Variants in SEC14L5 observed in about 807,000 individuals in gnomAD.
SEC14L5 encodes the protein SEC14 like lipid binding 5, also known as SEC14-like protein 5.
In SEC14L5, 96 loss-of-function variants were observed where a neutral mutation model predicts 84.6. The ratio of observed to expected loss-of-function variants is 1.13; its 90% confidence interval spans 0.96 to 1.34. The LOEUF (loss-of-function observed/expected upper bound fraction) is 1.34. Ranked by LOEUF, SEC14L5 falls within the 40% of genes most tolerant of loss-of-function variation. The probability of loss-of-function intolerance (pLI) is 0.00; values close to 1 mark genes in which losing one functional copy is unlikely to be tolerated. For missense variants in SEC14L5, 1,224 were observed against 942.5 expected, an observed-to-expected ratio of 1.30 and a Z score of -3.91; for synonymous variants, 546 against 383.4, an observed-to-expected ratio of 1.42 and a Z score of -4.95.
chr16:5,009,753 G>A (rs1384592184), intron 14 of SEC14L5, among the ~76,000 whole-genome samples: 1 of 152,160 alleles, frequency 6.6e-6, no homozygotes, highest in Non-Finnish European at 1.5e-5. Flanking sequence ...GGAAGGATGA[G>A]CATATTGGAA....
chr16:4,994,993 G>C (rs1405815901), intron 6 of SEC14L5, among the ~76,000 whole-genome samples: 1 of 152,092 alleles, frequency 6.6e-6, no homozygotes, highest in Non-Finnish European at 1.5e-5. Context: ...CTCCCTCCCT[G>C]ATTCCAGCAT....
intron 2 of SEC14L5, among the ~76,000 whole-genome samples, chr16:4,962,562 C>G (rs996473185): frequency 6.6e-6 from 1 of 151,990 alleles, no homozygotes; most frequent in Admixed American, 6.6e-5. Flanking sequence ...GTGGCAAGCA[C>G]CTGTAATCCC....
At chr16:4,994,384 C>T (rs951331803) in intron 6 of SEC14L5, among the ~76,000 whole-genome samples, 6 of 152,002 alleles carry the variant, frequency 3.9e-5, no homozygotes, top group African/African-American at 1.4e-4. Context: ...TTATCTGTCA[C>T]CCAGGCTGGA....
chr16:4,975,836 G>A (rs1471070562), intron 2 of SEC14L5, among the ~76,000 whole-genome samples: 6 of 152,168 alleles, frequency 3.9e-5, no homozygotes, highest in African/African-American at 1.2e-4. Context: ...ACCTTACTCA[G>A]TGGCTGCGTA....
intron 2 of SEC14L5, among the ~76,000 whole-genome samples, chr16:4,962,706 A>C (rs965052526): frequency 2.7e-5 from 4 of 150,910 alleles, no homozygotes; most frequent in Admixed American, 2.0e-4. Context: ...AAAAAAAAAA[A>C]AACTTCCTTA....
rs2142543292 is a variant in SEC14L5 at position 5,016,579 on chromosome 16, TG to T, written c.*1610del. On this transcript the variant is annotated 3_prime_UTR_variant, in exon 16 of 16. Coordinates refer to ENST00000251170, the MANE Select transcript of SEC14L5 (RefSeq NM_014692.2). The stretch of plus-strand genomic sequence containing the variant: ...ATGACCTGCGTGGCAGGAGTCTCAC[TG>T]ACATGGCTCTGTCAGCAGTGGCTGG... The T allele has an allele frequency of 6.6e-6, 1 of 152,328 alleles. No individual in the cohort carries two copies. The highest frequency in any genetic ancestry group is 1.5e-5 in the Non-Finnish European group (1 of 68,028). 9.4% of individuals were successfully genotyped at this position (152,328 alleles called of 1,614,324 possible). A position where few individuals can be genotyped will look rare whatever the true frequency, so the allele number is the denominator to read the frequency against.
At chr16:5,010,907 A>G in intron 14 of SEC14L5, 188 bp from the exon 15 acceptor site, 1 of 596,094 alleles carries the variant, frequency 1.7e-6, no homozygotes, top group Non-Finnish European at 2.9e-6. Context: ...TCCCAGGGAT[A>G]TGGGGATAAT....
chr16:4,988,696 G>A (rs773369851), intron 4 of SEC14L5, among the ~76,000 whole-genome samples: 1 of 152,134 alleles, frequency 6.6e-6, no homozygotes, highest in African/African-American at 2.4e-5. Flanking sequence ...CAGGTAGTAT[G>A]TGGCGCCTTT....
intron 6 of SEC14L5, among the ~76,000 whole-genome samples, chr16:4,995,960 G>A (rs374137198): frequency 5.9e-5 from 9 of 152,234 alleles, no homozygotes; most frequent in East Asian, 1.9e-4. Context: ...TAATAGTGAC[G>A]CCTGCCTCAC....
intron 2 of SEC14L5, among the ~76,000 whole-genome samples, chr16:4,965,639 C>T (rs1355326684): frequency 1.3e-4 from 11 of 83,322 alleles, no homozygotes; most frequent in African/African-American, 5.5e-4. Flanking sequence ...CCAGCCTGGG[C>T]AAAAGAGCAA....
intron 2 of SEC14L5, among the ~76,000 whole-genome samples, chr16:4,983,421 T>G (rs1396487274): frequency 6.8e-6 from 1 of 147,718 alleles, no homozygotes; most frequent in Non-Finnish European, 1.5e-5. Context: ...TGTATAGATA[T>G]GATCTATATT....
At chr16:4,985,324 C>G (rs1368647333) in intron 2 of SEC14L5, among the ~76,000 whole-genome samples, 1 of 152,134 alleles carries the variant, frequency 6.6e-6, no homozygotes, top group Non-Finnish European at 1.5e-5. Flanking sequence ...CTCCTGGGTT[C>G]AAGTGATTCT....
intron 2 of SEC14L5, among the ~76,000 whole-genome samples, chr16:4,962,175 A>G (rs1421760564): frequency 1.3e-5 from 2 of 151,670 alleles, no homozygotes; most frequent in South Asian, 2.1e-4. Context: ...CAAAAAAAAA[A>G]AAAAAAAGAA....
At chr16:4,966,732 G>A (rs1463861619) in intron 2 of SEC14L5, among the ~76,000 whole-genome samples, 1 of 152,180 alleles carries the variant, frequency 6.6e-6, no homozygotes, top group Non-Finnish European at 1.5e-5. Flanking sequence ...ACTTCAGGCA[G>A]TTCGGCCCCT....
intron 6 of SEC14L5, among the ~76,000 whole-genome samples, chr16:4,994,612 G>A (rs572748215): frequency 4.0e-4 from 61 of 152,166 alleles, no homozygotes; most frequent in African/African-American, 1.4e-3. Flanking sequence ...CCAAAGTGCT[G>A]AAATTACATG....
chr16:4,997,893 T>G (rs1346293176), intron 8 of SEC14L5, among the ~76,000 whole-genome samples: 2 of 152,034 alleles, frequency 1.3e-5, no homozygotes, highest in African/African-American at 2.4e-5. Context: ...TCCTCGCCTC[T>G]TCTCATAAGG....
chr16:4,997,011 T>C lies in SEC14L5; in HGVS notation c.937T>C (p.Phe313Leu). 1.2e-6 allele frequency: 2 copies of C among 1,612,532 alleles called. No homozygotes were observed. The highest frequency in any genetic ancestry group is 1.7e-6 in the Non-Finnish European group (2 of 1,179,358). The change falls in exon 8 of 16, where the codon TTC becomes CTC. Residue 313 changes from phenylalanine (F) to leucine (L), a missense_variant. Phe to Leu is a conservative substitution (Grantham distance 22, BLOSUM62 0). Coordinates refer to ENST00000251170, the MANE Select transcript of SEC14L5 (RefSeq NM_014692.2). ...TWQPPALLEE[F>L]YAGGWHYQDI... ...GCAACCCCCTGCCCTGCTGGAGGAG[T>C]TCTATGCAGGGGGCTGGCATTACCA...
At chr16:4,959,795 C>T (rs750058278) in intron 2 of SEC14L5, among the ~76,000 whole-genome samples, 1 of 152,114 alleles carries the variant, frequency 6.6e-6, no homozygotes, top group African/African-American at 2.4e-5. Context: ...TCTTCCAATT[C>T]CCGATAGCTG....
chr16:5,001,670 C>G (rs370646710), intron 10 of SEC14L5, among the ~76,000 whole-genome samples: 1 of 152,180 alleles, frequency 6.6e-6, no homozygotes, highest in Non-Finnish European at 1.5e-5. Flanking sequence ...CTGACTCCCC[C>G]GCATTTCTGT....
Sources: gnomAD v4.1 joint callset for allele counts (sites outside exome capture counted in the v4.1 genomes callset) on GRCh38, gnomAD v4.1.1 for gene constraint, MANE v1.5 for transcripts, NCBI Gene and HGNC (gene_info 2026-07-23, HGNC 2026-07-21) for gene names.